SLCO1C1: variants seen among roughly 807,000 people sequenced by gnomAD.
The protein encoded by SLCO1C1 is OAT-RP-5.
SLCO1C1 carries 70 observed loss-of-function variants against 76.4 expected under a neutral mutation model. The observed-to-expected ratio is 0.92, with a 90% CI of 0.76 to 1.12. The LOEUF (loss-of-function observed/expected upper bound fraction) is 1.12, where lower values mean the gene tolerates loss of function less well. SLCO1C1 is among the 50% of genes most tolerant of loss of function. The probability of loss-of-function intolerance (pLI) is 0.00; values close to 1 mark genes in which losing one functional copy is unlikely to be tolerated. For synonymous variants in SLCO1C1, 306 were observed against 286.1 expected, an observed-to-expected ratio of 1.07 and a Z score of -0.70; for missense variants, 912 against 823.8, an observed-to-expected ratio of 1.11 and a Z score of -1.31.
At chr12:20,737,313 A>G in intron 11 of SLCO1C1, 41 bp downstream of exon 11, 2 of 1,522,398 alleles carry the variant, frequency 1.3e-6, no homozygotes, top group East Asian at 5.1e-5. Flanking sequence ...TGGTCCTGTT[A>G]CAATATAAAC....
Position 20,697,704 on chromosome 12 carries a change from A to C in SLCO1C1, c.-25-1848A>C, listed in dbSNP as rs191184065. Among the ~76,000 whole-genome samples the C allele has an allele frequency of 1.9e-3, 283 of 152,156 alleles. 4 individuals are homozygous for C. Among genetic ancestry groups the C allele is most frequent in the Admixed American group, 0.017 (253 of 15,264 alleles). On this transcript the variant is annotated intron_variant, in intron 1 of 14. Transcript: ENST00000266509. ...ATTCATGTGGTAATTTAGGTGAATA[A>C]ATTTCCTGTAATTAACCAATTGTTG...
chr12:20,736,126 T>G (rs1948525216), intron 10 of SLCO1C1, among the ~76,000 whole-genome samples: 1 of 151,864 alleles, frequency 6.6e-6, no homozygotes, highest in Non-Finnish European at 1.5e-5. Context: ...AAGTTCCTTT[T>G]GAGAAGAGTA....
At chr12:20,737,369 G>C in intron 11 of SLCO1C1, 97 bp downstream of exon 11, 3 of 1,278,822 alleles carry the variant, frequency 2.3e-6, no homozygotes, top group Non-Finnish European at 3.1e-6. Context: ...CTAGTAGGAG[G>C]CTTGCCTCTT....
chr12:20,749,342 T>C (rs919825535), intron 13 of SLCO1C1, among the ~76,000 whole-genome samples: 1 of 152,148 alleles, frequency 6.6e-6, no homozygotes, highest in African/African-American at 2.4e-5. Flanking sequence ...GAGAGAAAGC[T>C]GTATGGACTT....
chr12:20,721,846 C>T lies in SLCO1C1; in HGVS notation c.818C>T (p.Ala273Val). 1.9e-6 allele frequency: 3 copies of T among 1,614,114 alleles called. No individual in the cohort carries two copies. The highest frequency in any genetic ancestry group is 2.5e-6 in the Non-Finnish European group (3 of 1,180,012). Residue 273 changes from alanine (A) to valine (V), a missense_variant, in exon 8 of 15, where the codon GCC becomes GTC. Physicochemically the swap from Ala to Val is moderately conservative, Grantham distance 64. Coordinates refer to ENST00000266509, the MANE Select transcript of SLCO1C1 (RefSeq NM_017435.5). ...CCAAAAGATCCCCAGTGGGTAGGAG[C>T]CTGGTGGCTTGGCTATCTAATAGCA... ...ITPKDPQWVG[A>V]WWLGYLIAGI...
At position 20,715,281 on chromosome 12, in the gene SLCO1C1, T is replaced by A; in HGVS notation, c.672T>A (p.Tyr224Ter). 1 of 1,613,548 alleles carries A rather than the reference T, an allele frequency of 6.2e-7. No homozygotes were observed. Among genetic ancestry groups the A allele is most frequent in the Non-Finnish European group, 8.5e-7 (1 of 1,179,816 alleles). ...CCAGTGAAGACAATGCAGCTTTCTATATTGGTAATATTGGCATATTGCTTC... is the reference window on the plus strand; with the variant it reads ...CCAGTGAAGACAATGCAGCTTTCTAAATTGGTAATATTGGCATATTGCTTC... ...DFASEDNAAFYIGCVQTVAII... is the reference protein window; with the variant it reads ...DFASEDNAAF The change falls in exon 6 of 15, where the codon TAT becomes TAA. Residue 224 changes from tyrosine (Y) to a stop codon, truncating the protein, a stop_gained. Coordinates refer to ENST00000266509, the MANE Select transcript of SLCO1C1 (RefSeq NM_017435.5). LOFTEE classifies it high-confidence loss of function.
At chr12:20,730,239 T>A (rs1350404666) in intron 9 of SLCO1C1, among the ~76,000 whole-genome samples, 1 of 152,236 alleles carries the variant, frequency 6.6e-6, no homozygotes, top group Non-Finnish European at 1.5e-5. Context: ...CCCTGCTGTT[T>A]GTGTCAGCTT....
chr12:20,752,168 T>C lies in SLCO1C1; in HGVS notation c.1917-138T>C, dbSNP rs1949336709. ...AACTGCCTTCAACAGTCTGTCAGTA[T>C]TTCATAAAACAGTCTTTTATATAAG... is the stretch of plus-strand genomic sequence containing the variant. On this transcript the variant is annotated intron_variant, in intron 14 of 14. Transcript: ENST00000266509. 5 of 550,074 alleles carry C rather than the reference T, an allele frequency of 9.1e-6. No individual in the cohort carries two copies. In the Admixed American group the frequency reaches 1.0e-4, roughly 11 times the overall value. 34.1% of individuals were successfully genotyped at this position (550,074 alleles called of 1,614,324 possible). A position where few individuals can be genotyped will look rare whatever the true frequency, so the allele number is the denominator to read the frequency against.
rs1351332575 is a variant in SLCO1C1, at chr12:20,733,072, T to C, written c.1350T>C (p.Ser450=). The change falls in exon 10 of 15, where the codon TCT becomes TCC. Residue 450 remains serine (S), a synonymous_variant. Coordinates refer to ENST00000266509, the MANE Select transcript of SLCO1C1 (RefSeq NM_017435.5). ...LSLFALGCEN[S]DVAGLTVSYQ... Reference sequence around the variant, plus strand: ...TGTTTGCACTGGGCTGTGAAAATTCTGATGTGGCAGGACTAACTGTCTCCT... The same window carrying C: ...TGTTTGCACTGGGCTGTGAAAATTCCGATGTGGCAGGACTAACTGTCTCCT... 6.2e-7 allele frequency: 1 copy of C among 1,604,688 alleles called. No individual in the cohort carries two copies. The highest frequency in any genetic ancestry group is 1.7e-5 in the Admixed American group (1 of 58,694).
At chr12:20,728,602 A>AT (rs567805049) in intron 9 of SLCO1C1, among the ~76,000 whole-genome samples, 198 of 150,622 alleles carry the variant, frequency 1.3e-3, no homozygotes, top group Non-Finnish European at 1.7e-3. Flanking sequence ...AAAAAACATT[A>AT]TTTTTTTTTG....
intron 7 of SLCO1C1, 131 bp downstream of exon 7, chr12:20,717,361 TTTA>T (rs1186912110): frequency 1.1e-5 from 7 of 612,028 alleles, no homozygotes; most frequent in African/African-American, 5.9e-5. Flanking sequence ...AACTAAAAAT[TTTA>T]TTATTAATAT....
chr12:20,717,200 C>T lies in SLCO1C1; in HGVS notation c.745C>T (p.Leu249=). 1 of 1,595,078 alleles carries T rather than the reference C, an allele frequency of 6.3e-7. No homozygotes were observed. The highest frequency in any genetic ancestry group is 1.4e-5 in the African/African-American group (1 of 73,260). ...CCTGTTAGGCTCATTATGTGCCAAA[C>T]TATATGTTGACATTGGCTTTGTAAA... The part of the protein sequence containing the change: ...GFLLGSLCAK[L]YVDIGFVNLD... Residue 249 remains leucine (L), a synonymous_variant, in exon 7 of 15, where the codon CTA becomes TTA. Transcript: ENST00000266509.
At chr12:20,711,962 A>T (rs956652425) in intron 5 of SLCO1C1, among the ~76,000 whole-genome samples, 1 of 152,158 alleles carries the variant, frequency 6.6e-6, no homozygotes, top group Non-Finnish European at 1.5e-5. Context: ...GTTTGTTTAC[A>T]TTCTAGGGAG....
At chr12:20,742,217 G>C (rs1276217483) in intron 12 of SLCO1C1, among the ~76,000 whole-genome samples, 1 of 152,078 alleles carries the variant, frequency 6.6e-6, no homozygotes, top group Non-Finnish European at 1.5e-5. Flanking sequence ...ATTGTGCCAA[G>C]TGTAGAATCA....
chr12:20,697,683 A>C (rs1297744885), intron 1 of SLCO1C1, among the ~76,000 whole-genome samples: 2 of 152,058 alleles, frequency 1.3e-5, no homozygotes, highest in Non-Finnish European at 2.9e-5. Flanking sequence ...TGAATTATTC[A>C]TGTGGTAATT....
At chr12:20,732,853 T>C (rs1948354863) in intron 9 of SLCO1C1, 56 bp from the exon 10 acceptor site, 6 of 1,579,210 alleles carry the variant, frequency 3.8e-6, no homozygotes, top group Non-Finnish European at 5.2e-6. Flanking sequence ...TTTGTGTTAG[T>C]ACACTCAAAT....
At chr12:20,740,783 T>TATATATATATATATA (rs1406774430) in intron 12 of SLCO1C1, among the ~76,000 whole-genome samples, 641 of 53,774 alleles carry the variant, frequency 0.012, 109 homozygotes, top group Middle Eastern at 0.018. Context: ...AGAATTTATT[T>TATATATATATATATA]TATTTATATA....
Position 20,709,147 on chromosome 12 carries a change from G to A in SLCO1C1, c.405-2239G>A, listed in dbSNP as rs143852407. 3.5e-3 allele frequency among the ~76,000 whole-genome samples: 531 copies of A among 152,056 alleles called. 2 individuals carry two copies. The highest frequency in any genetic ancestry group is 0.012 in the African/African-American group (506 of 41,474). ...GTGCATCAGTCAGGATTTGAATGCG[G>A]GTCAGAATTAAAACCCCTAATATAA... On this transcript the variant is annotated intron_variant, in intron 4 of 14. Coordinates refer to ENST00000266509, the MANE Select transcript of SLCO1C1 (RefSeq NM_017435.5).
intron 7 of SLCO1C1, among the ~76,000 whole-genome samples, chr12:20,717,766 G>A (rs10770712): frequency 0.96 from 143,475 of 148,800 alleles, 69,396 homozygotes; most frequent in East Asian, 1. Flanking sequence ...CTTCTGGGAC[G>A]TTGCTTGTGT....
Sources: allele counts gnomAD v4.1 joint callset (sites outside exome capture counted in the v4.1 genomes callset), GRCh38; gene constraint gnomAD v4.1.1; transcripts MANE v1.5; gene names NCBI Gene and HGNC (gene_info 2026-07-23, HGNC 2026-07-21).